Variants in TNFAIP8L3 observed in about 807,000 individuals in gnomAD.
TNFAIP8L3 encodes the protein TNF alpha induced protein 8 like 3, also known as tumor necrosis factor alpha-induced protein 8-like protein 3.
In TNFAIP8L3, 7 loss-of-function variants were observed where a neutral mutation model predicts 11.8. The ratio of observed to expected loss-of-function variants is 0.59; its 90% CI spans 0.34 to 1.11. The LOEUF (loss-of-function observed/expected upper bound fraction) is 1.11, where lower values mean the gene tolerates loss of function less well. Ranked by LOEUF, TNFAIP8L3 falls within the 50% of genes most tolerant of loss-of-function variation. TNFAIP8L3 has a pLI of 0.03. For missense variants in TNFAIP8L3, 219 were observed against 258.6 expected (o/e 0.85, Z 1.05); for synonymous variants, 98 against 103.8 (o/e 0.94, Z 0.34).
chr15:51,091,537 G>C (rs898625456), intron 1 of TNFAIP8L3, among the ~76,000 whole-genome samples: 2 of 152,142 alleles, frequency 1.3e-5, no homozygotes, highest in Non-Finnish European at 2.9e-5. Context: ...CTGAGTAAGG[G>C]GTTCTGTTTT....
Position 51,074,582 on chromosome 15 carries a change from C to T in TNFAIP8L3, c.53-16139G>A, listed in dbSNP as rs545795077. Among the ~76,000 whole-genome samples the T allele has an allele frequency of 1.1e-4, 16 of 152,344 alleles. No homozygotes were observed. The South Asian group carries it at 3.3e-3, about 32-fold the overall frequency. ...GCTCTGCCCACCGGATCCCATCCCT[C>T]CTACCAGAGGCCTGCTTGCCCAATT... On this transcript the variant is annotated intron_variant, in intron 1 of 1. Transcript: ENST00000637513.
chr15:51,081,739 C>T (rs1209413111), intron 1 of TNFAIP8L3, among the ~76,000 whole-genome samples: 1 of 152,258 alleles, frequency 6.6e-6, no homozygotes, highest in African/African-American at 2.4e-5. Context: ...AGTCTCGGCA[C>T]ATCACTGACC....
At chr15:51,099,513 C>G (rs2065535815), upstream of TNFAIP8L3, among the ~76,000 whole-genome samples, 1 of 152,168 alleles carries the variant, frequency 6.6e-6, no homozygotes, top group African/African-American at 2.4e-5. Flanking sequence ...TGTGCCCTAG[C>G]CCAACCCTAT....
intron 1 of TNFAIP8L3, among the ~76,000 whole-genome samples, chr15:51,088,517 T>C (rs2065445543): frequency 6.6e-6 from 1 of 152,178 alleles, no homozygotes; most frequent in Non-Finnish European, 1.5e-5. Flanking sequence ...CACATCTAAA[T>C]GCATTTCTGT....
chr15:51,096,606 T>G (rs1258959986), upstream of TNFAIP8L3, among the ~76,000 whole-genome samples: 1 of 151,852 alleles, frequency 6.6e-6, no homozygotes, highest in Non-Finnish European at 1.5e-5. Context: ...AAGAAAAAAG[T>G]GGGGGCCGGG....
Position 51,062,428 on chromosome 15 carries a change from T to A in TNFAIP8L3, c.53-3985A>T, listed in dbSNP as rs2065247266. Among the ~76,000 whole-genome samples, 4 of 152,322 alleles carry A rather than the reference T, an allele frequency of 2.6e-5. No individual in the cohort carries two copies. The South Asian group carries it at 8.3e-4, about 32-fold the overall frequency. ...CAGTGGAAGAAAGGGAGATCCACCA[T>A]GCCTTGACCTTAGGTTTCTTCTTAG... On this transcript the variant is annotated intron_variant, in intron 1 of 1. Transcript: ENST00000637513.
At chr15:51,095,902 G>T (rs1348767975), upstream of TNFAIP8L3, among the ~76,000 whole-genome samples, 3 of 152,174 alleles carry the variant, frequency 2.0e-5, no homozygotes, top group African/African-American at 7.2e-5. Flanking sequence ...CTGCTAAAAA[G>T]CGCCACTTAC....
chr15:51,100,072 A>T (rs988058490), intron 1 of TNFAIP8L3, among the ~76,000 whole-genome samples: 1 of 152,236 alleles, frequency 6.6e-6, no homozygotes, highest in Non-Finnish European at 1.5e-5. Flanking sequence ...TAAAATAACC[A>T]TGTTAACTTT....
chr15:51,069,576 T>A (rs2065294418), intron 1 of TNFAIP8L3: 1 of 152,178 alleles, frequency 6.6e-6, no homozygotes. Flanking sequence ...TTTTAGAGCC[T>A]CCAATCCATC....
intron 1 of TNFAIP8L3, among the ~76,000 whole-genome samples, chr15:51,075,069 T>C (rs542102012): frequency 6.6e-6 from 1 of 152,360 alleles, no homozygotes; most frequent in South Asian, 2.1e-4. Context: ...TATATATGTC[T>C]CAGTAAATGA....
chr15:51,080,449 T>C (rs570678302), intron 1 of TNFAIP8L3, among the ~76,000 whole-genome samples: 40 of 152,286 alleles, frequency 2.6e-4, no homozygotes, highest in Non-Finnish European at 1.8e-4. Flanking sequence ...GGCAGCCCTC[T>C]GTCCCCCAAC....
In TNFAIP8L3 at chr15:51,058,270, T is replaced by C; in HGVS notation, c.226A>G (p.Lys76Glu). The C allele has an allele frequency of 1.2e-6, 2 of 1,614,208 alleles. No individual in the cohort carries two copies. The highest frequency in any genetic ancestry group is 1.7e-6 in the Non-Finnish European group (2 of 1,180,040). The stretch of plus-strand genomic sequence containing the variant: ...ACCTTGATTAAGTCTTTCATGATCT[T>C]GTGGGCTTCCTTCTTGTTGTGTGTG... The part of the protein sequence containing the change: ...EHTHNKKEAH[K>E]IMKDLIKVAI... Residue 76 changes from lysine (K) to glutamate (E), a missense_variant, in exon 2 of 2, where the codon AAG (lysine) becomes GAG (glutamate). Transcript: ENST00000637513.
intron 1 of TNFAIP8L3, among the ~76,000 whole-genome samples, chr15:51,082,930 G>A (rs1330893623): frequency 6.6e-6 from 1 of 152,166 alleles, no homozygotes; most frequent in Non-Finnish European, 1.5e-5. Context: ...TACCTGAAAA[G>A]GAGTAAGGAT....
chr15:51,064,117 C>T (rs975781848), intron 1 of TNFAIP8L3, among the ~76,000 whole-genome samples: 3 of 152,132 alleles, frequency 2.0e-5, no homozygotes, highest in Non-Finnish European at 4.4e-5. Context: ...TTATGGACCA[C>T]CAAAATTACC....
chr15:51,073,403 C>A (rs941860770), intron 1 of TNFAIP8L3, among the ~76,000 whole-genome samples: 1 of 152,210 alleles, frequency 6.6e-6, no homozygotes, highest in Non-Finnish European at 1.5e-5. Context: ...ACAGTCATCT[C>A]CATAAATCTC....
At position 51,094,098 on chromosome 15, in the gene TNFAIP8L3, C is replaced by A. The variant is rs2065492424; in HGVS notation, c.52+446G>T. On this transcript the variant is annotated intron_variant, in intron 1 of 1. Transcript: ENST00000637513. This position sits in a 1 kb window ranked among gnomAD's most constrained non-coding sequence, Gnocchi z 4.4. ...ACCCCTGCCCCAACCACTCGCGAGG[C>A]CTTTTCTGTTCAGAGCCCCCAGTCA... Among the ~76,000 whole-genome samples the A allele has an allele frequency of 6.6e-6, 1 of 152,172 alleles. No homozygotes were observed. Among genetic ancestry groups the A allele is most frequent in the Non-Finnish European group, 1.5e-5 (1 of 68,024 alleles).
intron 1 of TNFAIP8L3, among the ~76,000 whole-genome samples, chr15:51,085,060 G>A (rs1363670559): frequency 1.3e-5 from 2 of 152,058 alleles, no homozygotes; most frequent in Non-Finnish European, 2.9e-5. Flanking sequence ...ATACTGCTGT[G>A]GGCTCTCTAA....
At chr15:51,100,758 G>A (rs1240494671) in intron 1 of TNFAIP8L3, among the ~76,000 whole-genome samples, 1 of 151,778 alleles carries the variant, frequency 6.6e-6, no homozygotes, top group Admixed American at 6.6e-5. Flanking sequence ...ATGTCAGGCT[G>A]GAGAAGGAAA....
chr15:51,082,279 C>T (rs1187515499), intron 1 of TNFAIP8L3, among the ~76,000 whole-genome samples: 1 of 152,104 alleles, frequency 6.6e-6, no homozygotes, highest in Non-Finnish European at 1.5e-5. Flanking sequence ...CCGTATGTTA[C>T]TGTACTGAAT....
Sources: allele counts gnomAD v4.1 joint callset (sites outside exome capture counted in the v4.1 genomes callset), GRCh38; gene constraint gnomAD v4.1.1; non-coding constraint Gnocchi (gnomAD v3.1); transcripts MANE v1.5; gene names NCBI Gene and HGNC (gene_info 2026-07-23, HGNC 2026-07-21).